KIAA1549: variants seen among roughly 807,000 people sequenced by gnomAD.
KIAA1549 encodes UPF0606 protein KIAA1549.
Under a neutral mutation model 156.4 loss-of-function variants are expected in KIAA1549, and 70 were observed. The ratio of observed to expected loss-of-function variants is 0.45; its 90% CI spans 0.37 to 0.55. The LOEUF (loss-of-function observed/expected upper bound fraction) is 0.55. KIAA1549 is among the 20% of genes least tolerant of loss of function. The pLI, the probability that KIAA1549 is intolerant of heterozygous loss-of-function variation, is 0.00. For synonymous variants in KIAA1549, 1,103 were observed against 1,066.4 expected, an observed-to-expected ratio of 1.03 and a Z score of -0.67; for missense variants, 2,428 against 2,540.9, an observed-to-expected ratio of 0.96 and a Z score of 0.96.
intron 1 of KIAA1549, among the ~76,000 whole-genome samples, chr7:138,954,905 G>T (rs1298079658): frequency 6.6e-6 from 1 of 152,170 alleles, no homozygotes; most frequent in Non-Finnish European, 1.5e-5. Flanking sequence ...CCCAGGGGCT[G>T]AGGATAAGGG....
chr7:138,851,007 T>C (rs1328476822), intron 17 of KIAA1549, among the ~76,000 whole-genome samples: 3 of 152,232 alleles, frequency 2.0e-5, no homozygotes, highest in East Asian at 1.9e-4. Context: ...GGGTTCTATA[T>C]ATGTCAATTA....
intron 17 of KIAA1549, among the ~76,000 whole-genome samples, chr7:138,850,017 G>A (rs10243651): frequency 0.7 from 106,742 of 151,996 alleles, 37,720 homozygotes; most frequent in East Asian, 0.9. Flanking sequence ...CAGTGCTTCA[G>A]TGAACATTTG....
chr7:138,857,672 T>C (rs924998434), intron 16 of KIAA1549, among the ~76,000 whole-genome samples: 3 of 152,250 alleles, frequency 2.0e-5, no homozygotes, highest in Admixed American at 6.5e-5. Context: ...TCTAATACTA[T>C]GCACATAAAC....
At chr7:138,976,326 G>A (rs1814377275) in intron 1 of KIAA1549, among the ~76,000 whole-genome samples, 1 of 152,110 alleles carries the variant, frequency 6.6e-6, no homozygotes, top group South Asian at 2.1e-4. Flanking sequence ...ATCCCAAAGT[G>A]TTGGGATTAC....
In KIAA1549 at chr7:138,838,046, C is replaced by T; in HGVS notation, c.5713G>A (p.Gly1905Ser). 1 of 1,602,266 alleles carries T rather than the reference C, an allele frequency of 6.2e-7. No homozygotes were observed. Among genetic ancestry groups the T allele is most frequent in the Non-Finnish European group, 8.5e-7 (1 of 1,174,714 alleles). Residue 1905 changes from glycine (G) to serine (S), a missense_variant, in exon 20 of 20, where the codon GGC (glycine) becomes AGC (serine). Physicochemically the swap from Gly to Ser is moderately conservative, Grantham distance 56. Transcript: ENST00000422774. ...SGNLPHRGLQ[G>S]PGLGYPTSST... is the part of the protein sequence containing the mutation. ...CTGGTGGGGTAACCCAGCCCAGGGC[C>T]CTGCAGTCCCCGGTGGGGGAGGTTC...
At chr7:138,906,813 T>G (rs1201373513) in intron 6 of KIAA1549, 106 bp downstream of exon 6, 14 of 865,386 alleles carry the variant, frequency 1.6e-5, no homozygotes, top group Non-Finnish European at 2.3e-5. Context: ...AAAATAATTT[T>G]TAAAAAATCA....
In KIAA1549 at chr7:138,861,264, C is replaced by T. The variant is rs773867004; in HGVS notation, c.5122G>A (p.Ala1708Thr). The change falls in exon 16 of 20, where the codon GCA (alanine) becomes ACA (threonine). Residue 1708 changes from alanine to threonine, a missense_variant. By Grantham distance (58) the Ala-to-Thr change is moderately conservative. This residue lies in a region of KIAA1549 where 363 missense variants were observed against 354.0 expected (regional missense o/e 1.03). Coordinates refer to ENST00000422774, the MANE Select transcript of KIAA1549 (RefSeq NM_001164665.2). ...VAPSSQPAST[A>T]GVGPGVPPGL... Reference sequence around the variant, plus strand: ...GGTGGGACTCCGGGGCCTACACCTGCGGTGCTGGCAGGCTGGCTGCTGGGG... The same window carrying T: ...GGTGGGACTCCGGGGCCTACACCTGTGGTGCTGGCAGGCTGGCTGCTGGGG... 4.4e-6 allele frequency: 7 copies of T among 1,609,102 alleles called. No homozygotes were observed. The highest frequency in any genetic ancestry group is 1.7e-4 in the Middle Eastern group (1 of 5,914).
chr7:138,838,073 C>A lies in KIAA1549; in HGVS notation c.5686G>T (p.Gly1896Trp), dbSNP rs778336268. 1.3e-6 allele frequency: 2 copies of A among 1,590,370 alleles called. No individual in the cohort carries two copies. Among genetic ancestry groups the A allele is most frequent in the Non-Finnish European group, 1.7e-6 (2 of 1,169,074 alleles). The change falls in exon 20 of 20, where the codon GGG becomes TGG. Residue 1896 changes from glycine (G) to tryptophan (W), a missense_variant. Gly to Trp is a radical substitution (Grantham distance 184). Around this residue, in one of 5 missense-constraint regions of KIAA1549, gnomAD observed 363 missense variants for 354.0 expected, o/e 1.03. Coordinates refer to ENST00000422774, the MANE Select transcript of KIAA1549 (RefSeq NM_001164665.2). ...TGCAGTCCCCGGTGGGGGAGGTTCC[C>A]GGAAGGAGCTGAGGGCTCCCTGCCT... ...TSGREPSAPS[G>W]NLPHRGLQGP...
At chr7:138,936,330 C>T (rs539976710) in intron 1 of KIAA1549, among the ~76,000 whole-genome samples, 2 of 152,326 alleles carry the variant, frequency 1.3e-5, no homozygotes, top group Admixed American at 1.3e-4. Flanking sequence ...GACCCTCCCC[C>T]ATATGCCACT....
At chr7:138,940,399 T>C (rs999316487) in intron 1 of KIAA1549, among the ~76,000 whole-genome samples, 2 of 150,552 alleles carry the variant, frequency 1.3e-5, no homozygotes, top group African/African-American at 4.9e-5. Flanking sequence ...CACATTTTCT[T>C]AATCCAGTCT....
chr7:138,974,097 C>T (rs1339408658), intron 1 of KIAA1549, among the ~76,000 whole-genome samples: 2 of 152,222 alleles, frequency 1.3e-5, no homozygotes, highest in African/African-American at 4.8e-5. Flanking sequence ...TCTGAACAGA[C>T]ATTTCTCAAA....
rs777727671 is a variant in KIAA1549, at chr7:138,832,322, G to C, written c.*5584C>G. ...AGCGATCCTCCAGTCTTAGCCTTTC[G>C]AGTAGCTGGGACTACTGGCACATGC... is the stretch of plus-strand genomic sequence containing the variant. On this transcript the variant is annotated 3_prime_UTR_variant, in exon 20 of 20. Transcript: ENST00000422774. 2.0e-5 allele frequency: 4 copies of C among 195,732 alleles called. No homozygotes were observed. Among genetic ancestry groups the C allele is most frequent in the Admixed American group, 6.1e-5 (1 of 16,312 alleles). 12.1% of individuals were successfully genotyped at this position (195,732 alleles called of 1,614,324 possible).
chr7:138,907,137 AAAACATTCTGCTG>A, intron 5 of KIAA1549, 35 bp from the exon 6 acceptor site: 2 of 1,462,106 alleles, frequency 1.4e-6, no homozygotes, highest in Non-Finnish European at 1.8e-6. Context: ...CTTCTATAAT[AAAACATTCTGCTG>A]AAAGCTTAAC....
At position 138,946,170 on chromosome 7, in the gene KIAA1549, ATATAT is replaced by A. The variant is rs139287493; in HGVS notation, c.188-26737_188-26733del. Among the ~76,000 whole-genome samples the A allele has an allele frequency of 3.1e-3, 471 of 152,206 alleles. 4 individuals carry two copies. The highest frequency in any genetic ancestry group is 0.031 in the Middle Eastern group (9 of 294). ...TATCATAATAATATGAAGTCGCATA[ATATAT>A]TATGTTCGTTGTTACATTTACTGAG... On this transcript the variant is annotated intron_variant, in intron 1 of 19. Coordinates refer to ENST00000422774, the MANE Select transcript of KIAA1549 (RefSeq NM_001164665.2).
chr7:138,976,353 G>A (rs537108051), intron 1 of KIAA1549, among the ~76,000 whole-genome samples: 5 of 152,230 alleles, frequency 3.3e-5, no homozygotes, highest in African/African-American at 1.2e-4. Context: ...GAGTCACCGC[G>A]CCCGGCCTCA....
chr7:138,918,457 G>A lies in KIAA1549; in HGVS notation c.1169C>T (p.Thr390Ile), dbSNP rs1178555490. 3 of 1,613,906 alleles carry A rather than the reference G, an allele frequency of 1.9e-6. No individual in the cohort carries two copies. Among genetic ancestry groups the A allele is most frequent in the East Asian group, 4.5e-5 (2 of 44,884 alleles). Reference protein sequence around the residue: ...NPFLPSDSSKTSELHSNSALP... With the variant: ...NPFLPSDSSKISELHSNSALP... ...GGCTGAATTGCTATGCAATTCGGAT[G>A]TTTTGCTGGAGTCGCTAGGGAGAAA... The change falls in exon 2 of 20, where the codon ACA (threonine) becomes ATA (isoleucine). Residue 390 changes from threonine (T) to isoleucine (I), a missense_variant. Physicochemically the swap from Thr to Ile is moderately conservative, Grantham distance 89 (BLOSUM62 -1). Coordinates refer to ENST00000422774, the MANE Select transcript of KIAA1549 (RefSeq NM_001164665.2). This position sits in a 1 kb window ranked among gnomAD's most constrained non-coding sequence, Gnocchi z 4.2.
rs1252714012 is a variant in KIAA1549, at chr7:138,981,234, GGCCGCGCCTCGGCGTCGGC to G, written c.17_35del (p.Arg6ProfsTer70). The G allele has an allele frequency of 8.8e-5, 87 of 992,022 alleles. No individual in the cohort carries two copies. Among genetic ancestry groups the G allele is most frequent in the South Asian group, 4.1e-4 (9 of 22,106 alleles). 61.5% of individuals were successfully genotyped at this position (992,022 alleles called of 1,614,324 possible). On this transcript the variant is annotated frameshift_variant, in exon 1 of 20. Coordinates refer to ENST00000422774, the MANE Select transcript of KIAA1549 (RefSeq NM_001164665.2). LOFTEE classifies it high-confidence loss of function. The surrounding 1 kb of genome is among the most constrained non-coding windows in gnomAD (Gnocchi z 4.5). The stretch of plus-strand genomic sequence containing the variant: ...CCCCGGCGCGGGGCTTCCCCTCCAT[GGCCGCGCCTCGGCGTCGGC>G]GCCGCGCCCCCGGCATTCCCGGCCG...
chr7:138,968,859 CAAAAAAAAA>C (rs75576327), intron 1 of KIAA1549, among the ~76,000 whole-genome samples: 2 of 66,480 alleles, frequency 3.0e-5, no homozygotes, highest in African/African-American at 1.0e-4. Flanking sequence ...GACTCCGTCT[CAAAAAAAAA>C]AAAAAAAAAA....
intron 1 of KIAA1549, among the ~76,000 whole-genome samples, chr7:138,967,471 G>A (rs1440570746): frequency 6.6e-6 from 1 of 152,144 alleles, no homozygotes; most frequent in Non-Finnish European, 1.5e-5. Context: ...TGATTGCAAT[G>A]AATGCATATC....
Sources: gnomAD v4.1 joint callset for allele counts (sites outside exome capture counted in the v4.1 genomes callset) on GRCh38, gnomAD v4.1.1 for gene constraint, gnomAD v4.1.1 regional missense constraint, Gnocchi (gnomAD v3.1) non-coding constraint, MANE v1.5 for transcripts, NCBI Gene and HGNC (gene_info 2026-07-23, HGNC 2026-07-21) for gene names.